Variants in SLIT3 observed in about 807,000 individuals in gnomAD.
SLIT3 encodes slit guidance ligand 3, also known as slit homolog 3 protein.
SLIT3 carries 68 observed loss-of-function variants against 184.0 expected under a neutral mutation model. The ratio of observed to expected loss-of-function variants is 0.37; its 90% CI spans 0.30 to 0.45. The LOEUF is 0.45. SLIT3 is among the 20% of genes least tolerant of loss of function. The probability of loss-of-function intolerance (pLI) is 1.00; values close to 1 mark genes in which losing one functional copy is unlikely to be tolerated. For synonymous variants in SLIT3, 831 were observed against 828.6 expected (o/e 1.00, Z -0.05); for missense variants, 1,707 against 2,026.0 (o/e 0.84, Z 3.02).
In SLIT3 at chr5:169,066,445, C is replaced by T. The variant is rs192975040; in HGVS notation, c.413+127034G>A. 4.7e-4 allele frequency among the ~76,000 whole-genome samples: 71 copies of T among 152,304 alleles called. No individual in the cohort carries two copies. The East Asian group carries it at 0.011, about 23-fold the overall frequency. ...GCCAACATATGCATGAAAAAACGCT[C>T]AACTTACAAGACCAAAAAAAGTGCA... On this transcript the variant is annotated intron_variant, in intron 4 of 35. Transcript: ENST00000519560.
chr5:168,931,850 G>T (rs1761996411), intron 4 of SLIT3, among the ~76,000 whole-genome samples: 1 of 152,166 alleles, frequency 6.6e-6, no homozygotes, highest in Admixed American at 6.5e-5. Flanking sequence ...GGTTCCTTTT[G>T]CAATAACCAC....
At chr5:169,017,386 C>A (rs143592764) in intron 4 of SLIT3, among the ~76,000 whole-genome samples, 3 of 152,158 alleles carry the variant, frequency 2.0e-5, no homozygotes, top group Non-Finnish European at 4.4e-5. Flanking sequence ...GTCCCTAATA[C>A]GGAAATGTTA....
intron 4 of SLIT3, among the ~76,000 whole-genome samples, chr5:169,119,710 C>T (rs1375039035): frequency 6.9e-6 from 1 of 145,528 alleles, no homozygotes; most frequent in African/African-American, 2.4e-5. Context: ...CCAACTGTGG[C>T]ACGCTGCCTC....
intron 5 of SLIT3, among the ~76,000 whole-genome samples, chr5:168,882,878 G>C (rs1463442259): frequency 6.6e-6 from 1 of 152,132 alleles, no homozygotes; most frequent in Non-Finnish European, 1.5e-5. Flanking sequence ...CACGTACTAT[G>C]TATGAGGCAC....
intron 4 of SLIT3, among the ~76,000 whole-genome samples, chr5:168,940,977 A>G (rs551845970): frequency 3.9e-5 from 6 of 152,322 alleles, no homozygotes; most frequent in Admixed American, 3.9e-4. Flanking sequence ...AGGGAAACAC[A>G]AGGCTCTCGG....
intron 6 of SLIT3, among the ~76,000 whole-genome samples, chr5:168,828,658 C>CAAAAAAAAAAAAAAAAAAAAAAAAAA (rs56974958): frequency 1.6e-4 from 16 of 97,134 alleles, no homozygotes; most frequent in East Asian, 3.0e-4. Context: ...GATCCTGACT[C>CAAAAAAAAAAAAAAAAAAAAAAAAAA]AAAAAAAAAA....
chr5:168,813,367 T>C (rs912526595), intron 8 of SLIT3, among the ~76,000 whole-genome samples: 1 of 150,854 alleles, frequency 6.6e-6, no homozygotes, highest in African/African-American at 2.4e-5. Flanking sequence ...GAACTTCTTC[T>C]CTGGTCTATG....
chr5:168,873,545 G>T (rs369736404), intron 5 of SLIT3, among the ~76,000 whole-genome samples: 1 of 151,836 alleles, frequency 6.6e-6, no homozygotes, highest in Non-Finnish European at 1.5e-5. Context: ...GCAGAAGATC[G>T]CTTGAGCCCA....
intron 4 of SLIT3, among the ~76,000 whole-genome samples, chr5:169,046,626 A>G (rs1448828757): frequency 6.6e-6 from 1 of 152,182 alleles, no homozygotes. Flanking sequence ...GCCTTGCACC[A>G]AAAACACATT....
chr5:168,918,975 T>C (rs966017238), intron 4 of SLIT3, among the ~76,000 whole-genome samples: 71 of 152,180 alleles, frequency 4.7e-4, no homozygotes, highest in African/African-American at 1.6e-3. Context: ...TTTTATCCTA[T>C]AGATATACTA....
intron 3 of SLIT3, among the ~76,000 whole-genome samples, chr5:169,201,360 C>A (rs1216736259): frequency 2.0e-5 from 3 of 152,002 alleles, no homozygotes; most frequent in African/African-American, 7.2e-5. Flanking sequence ...TAAAAAATAA[C>A]CTAAAGATTA....
intron 4 of SLIT3, among the ~76,000 whole-genome samples, chr5:169,086,985 G>A (rs1180701963): frequency 6.6e-6 from 1 of 152,208 alleles, no homozygotes; most frequent in Admixed American, 6.5e-5. Flanking sequence ...GAAGATTAGT[G>A]CTATGCAAAG....
intron 20 of SLIT3, among the ~76,000 whole-genome samples, chr5:168,727,336 A>G (rs953190478): frequency 6.6e-6 from 1 of 152,044 alleles, no homozygotes; most frequent in African/African-American, 2.4e-5. Context: ...AAAGAAAAAG[A>G]AAAAAAAGGA....
chr5:168,975,885 A>T (rs2113340196), intron 4 of SLIT3, among the ~76,000 whole-genome samples: 1 of 151,984 alleles, frequency 6.6e-6, no homozygotes, highest in Middle Eastern at 3.4e-3. Context: ...TCTCACTCCC[A>T]CCCATCTCCT....
intron 4 of SLIT3, among the ~76,000 whole-genome samples, chr5:168,942,427 G>A (rs1762360135): frequency 6.6e-6 from 1 of 152,166 alleles, no homozygotes; most frequent in Non-Finnish European, 1.5e-5. Context: ...TTCAACAGTA[G>A]ATATTGTCTT....
chr5:168,694,973 A>G (rs1762009877), intron 28 of SLIT3, among the ~76,000 whole-genome samples: 1 of 152,174 alleles, frequency 6.6e-6, no homozygotes, highest in South Asian at 2.1e-4. Context: ...CTGGGGTCCT[A>G]GGAAGCCCAG....
At chr5:168,966,670 G>A (rs949282888) in intron 4 of SLIT3, among the ~76,000 whole-genome samples, 14 of 152,222 alleles carry the variant, frequency 9.2e-5, no homozygotes, top group Admixed American at 5.9e-4. Context: ...ACCTATTTCT[G>A]GGCACTCTAA....
chr5:169,264,989 AC>A (rs1402787173), intron 1 of SLIT3, among the ~76,000 whole-genome samples: 1 of 152,170 alleles, frequency 6.6e-6, no homozygotes, highest in Non-Finnish European at 1.5e-5. Flanking sequence ...GCAGACAGCT[AC>A]CTGCAGGGAG....
chr5:168,736,179 T>A (rs561331837), intron 20 of SLIT3, among the ~76,000 whole-genome samples: 1 of 152,294 alleles, frequency 6.6e-6, no homozygotes, highest in East Asian at 1.9e-4. Context: ...GCTACCACAG[T>A]GTGTGGCACA....
Sources: gnomAD v4.1 joint callset for allele counts (sites outside exome capture counted in the v4.1 genomes callset) on GRCh38, gnomAD v4.1.1 for gene constraint, MANE v1.5 for transcripts, NCBI Gene and HGNC (gene_info 2026-07-23, HGNC 2026-07-21) for gene names.